The following SDC3 variants were observed in gnomAD, a reference collection of about 807,000 sequenced individuals.
SDC3 encodes syndecan-3.
SDC3 carries 13 observed loss-of-function variants against 24.4 expected under a neutral mutation model. The observed-to-expected ratio is 0.53, with a 90% CI of 0.35 to 0.85. The LOEUF (loss-of-function observed/expected upper bound fraction) is 0.85. Ranked by LOEUF, SDC3 falls within the 40% of genes least tolerant of loss-of-function variation. The pLI is 0.01. For missense variants in SDC3, 571 were observed against 584.5 expected (o/e 0.98, Z 0.24); for synonymous variants, 295 against 260.9 (o/e 1.13, Z -1.26).
intron 3 of SDC3, among the ~76,000 whole-genome samples, chr1:30,875,351 T>C (rs1639620330): frequency 6.6e-6 from 1 of 152,200 alleles, no homozygotes. Context: ...CACCTTCTCC[T>C]GGGCTCCGTG....
chr1:30,905,521 T>G (rs1570034775), intron 1 of SDC3, among the ~76,000 whole-genome samples: 1 of 151,956 alleles, frequency 6.6e-6, no homozygotes, highest in East Asian at 1.9e-4. Flanking sequence ...CTTTCCAAAT[T>G]AAGCCCTTCC....
Position 30,908,496 on chromosome 1 carries a change from GC to G in SDC3, c.90del (p.Leu31SerfsTer73). ...GAAAGPGARGLLLPPLLLLLL... is the reference protein window; with the variant it reads ...GAAAGPGARGXLLPPLLLLLL... ...AGCAGCAGCAGCAGCGGTGGCAGGA[GC>G]AGCCCGCGGGCCCCGGGCCCGGCCG... On this transcript the variant is annotated frameshift_variant, in exon 1 of 5. Coordinates refer to ENST00000339394, the MANE Select transcript of SDC3 (RefSeq NM_014654.4). LOFTEE classifies it high-confidence loss of function. 1 of 996,062 alleles carries G rather than the reference GC, an allele frequency of 1.0e-6. No homozygotes were observed. The highest frequency in any genetic ancestry group is 4.1e-5 in the South Asian group (1 of 24,582). 61.7% of individuals were successfully genotyped at this position (996,062 alleles called of 1,614,324 possible). A position where few individuals can be genotyped will look rare whatever the true frequency, so the allele number is the denominator to read the frequency against.
chr1:30,904,554 T>C (rs1316300495), intron 1 of SDC3, among the ~76,000 whole-genome samples: 1 of 152,128 alleles, frequency 6.6e-6, no homozygotes, highest in African/African-American at 2.4e-5. Context: ...CCCAACACAC[T>C]GAACTCACAG....
At chr1:30,892,442 GGAATGAAT>G (rs71916891) in intron 1 of SDC3, among the ~76,000 whole-genome samples, 1 of 151,476 alleles carries the variant, frequency 6.6e-6, no homozygotes, top group Non-Finnish European at 1.5e-5. Context: ...AGGCCCCCAG[GGAATGAAT>G]GAATGAATGA....
intron 1 of SDC3, among the ~76,000 whole-genome samples, chr1:30,908,166 G>A (rs1332666150): frequency 1.3e-5 from 2 of 151,980 alleles, no homozygotes; most frequent in Non-Finnish European, 2.9e-5. Context: ...CTGGGGAGGG[G>A]TCCCAAAAGG....
intron 1 of SDC3, 168 bp from the exon 2 acceptor site, chr1:30,878,908 G>T (rs931280226): frequency 8.4e-6 from 5 of 597,022 alleles, no homozygotes; most frequent in Admixed American, 2.9e-5. Context: ...CACAGGGCAG[G>T]GGTGGGGTGT....
chr1:30,879,141 C>G (rs1024383724), intron 1 of SDC3: 5 of 168,808 alleles, frequency 3.0e-5, no homozygotes, highest in African/African-American at 1.2e-4. Context: ...AATGGCCCTG[C>G]ATTTGGGGCC....
Position 30,873,174 on chromosome 1 carries a change from G to A in SDC3, c.*37C>T. On this transcript the variant is annotated 3_prime_UTR_variant, in exon 5 of 5. Coordinates refer to ENST00000339394, the MANE Select transcript of SDC3 (RefSeq NM_014654.4). ...GGCCAGGCTGGGGACTGGACAGCAG[G>A]GTGGTGTTGAGGCTGCAGGGAGGCA... 6.5e-7 allele frequency: 1 copy of A among 1,526,978 alleles called. No individual in the cohort carries two copies. The highest frequency in any genetic ancestry group is 9.1e-7 in the Non-Finnish European group (1 of 1,102,702). The allele number at this position is 1,526,978 out of a possible 1,614,324, so 94.6% of individuals were successfully genotyped here.
intron 1 of SDC3, among the ~76,000 whole-genome samples, chr1:30,894,504 ATGAGTGGGTGAGAGTG>A (rs1475511019): frequency 1.7e-5 from 1 of 57,696 alleles, no homozygotes; most frequent in Non-Finnish European, 3.2e-5. Flanking sequence ...GGGGGTGAGT[ATGAGTGGGTGAGAGTG>A]TGAGTGGGTG....
At chr1:30,882,798 C>G (rs1341702732) in intron 1 of SDC3, among the ~76,000 whole-genome samples, 1 of 152,168 alleles carries the variant, frequency 6.6e-6, no homozygotes, top group Non-Finnish European at 1.5e-5. Context: ...AGAAACCGGT[C>G]AGCACAGAGG....
In SDC3 at chr1:30,873,260, G is replaced by A. The variant is rs770500393; in HGVS notation, c.1280C>T (p.Ala427Val). The A allele has an allele frequency of 1.6e-5, 26 of 1,613,230 alleles. No individual in the cohort carries two copies. Among genetic ancestry groups the A allele is most frequent in the Middle Eastern group, 1.6e-4 (1 of 6,082 alleles). Reference protein sequence around the residue: ...GSYTLEEPKQASVTYQKPDKQ... With the variant: ...GSYTLEEPKQVSVTYQKPDKQ... ...GTCAGGCTTCTGGTATGTGACGCTC[G>A]CCTGCTTGGGTTCCTCCAGCGTGTA... is the stretch of plus-strand genomic sequence containing the variant. The change falls in exon 5 of 5, where the codon GCG (alanine) becomes GTG (valine). Residue 427 changes from alanine (A) to valine (V), a missense_variant. Ala to Val is a moderately conservative substitution (Grantham distance 64). Transcript: ENST00000339394.
At chr1:30,908,258 G>C (rs1435936287) in intron 1 of SDC3, among the ~76,000 whole-genome samples, 191 bp downstream of exon 1, 3 of 148,174 alleles carry the variant, frequency 2.0e-5, no homozygotes, top group African/African-American at 7.5e-5. Context: ...AGATTCCGGA[G>C]GGGGGGGAGC....
chr1:30,882,712 C>T (rs1639764465), intron 1 of SDC3, among the ~76,000 whole-genome samples: 1 of 152,128 alleles, frequency 6.6e-6, no homozygotes, highest in Admixed American at 6.5e-5. Context: ...TCCCTCCCAC[C>T]CCATCCTCTC....
chr1:30,881,600 G>A (rs1026392260), intron 1 of SDC3, among the ~76,000 whole-genome samples: 13 of 152,318 alleles, frequency 8.5e-5, no homozygotes, highest in African/African-American at 1.7e-4. Context: ...CAGAGGCTCC[G>A]CAAGCGGCCC....
In SDC3 at chr1:30,872,928, C is replaced by T. The variant is rs149951167; in HGVS notation, c.*283G>A. ...CACCAGCCAATCAGGAGCTTTCTTC[C>T]TCCCATCCATCTGACATGAGGTCCT... On this transcript the variant is annotated 3_prime_UTR_variant, in exon 5 of 5. Transcript: ENST00000339394. 2,773 of 424,240 alleles carry T rather than the reference C, an allele frequency of 6.5e-3. 15 individuals are homozygous for T. Among genetic ancestry groups the T allele is most frequent in the Non-Finnish European group, 9.0e-3 (2,140 of 238,354 alleles). 26.3% of individuals were successfully genotyped at this position (424,240 alleles called of 1,614,324 possible).
At chr1:30,907,414 C>T (rs559112224) in intron 1 of SDC3, among the ~76,000 whole-genome samples, 1 of 152,320 alleles carries the variant, frequency 6.6e-6, no homozygotes, top group Non-Finnish European at 1.5e-5. Flanking sequence ...ATCACCTCCA[C>T]CTGCACATGC....
At chr1:30,889,944 C>T (rs926882492) in intron 1 of SDC3, among the ~76,000 whole-genome samples, 3 of 152,046 alleles carry the variant, frequency 2.0e-5, no homozygotes, top group African/African-American at 2.4e-5. Flanking sequence ...CCCAAATATC[C>T]ATCAGCTGAT....
At chr1:30,894,536 G>GTA in intron 1 of SDC3, among the ~76,000 whole-genome samples, 1 of 145,434 alleles carries the variant, frequency 6.9e-6, no homozygotes, top group South Asian at 2.2e-4. Flanking sequence ...GGGTGAGAGT[G>GTA]TGCGTGGATG....
At position 30,889,059 on chromosome 1, in the gene SDC3, G is replaced by A. The variant is rs72657255; in HGVS notation, c.139-10319C>T. On this transcript the variant is annotated intron_variant, in intron 1 of 4. Coordinates refer to ENST00000339394, the MANE Select transcript of SDC3 (RefSeq NM_014654.4). ...CCCTCACCCTCCCCTCCAGAGGCCT[G>A]GGAGACACAGCAGGGACTCTGATGC... Among the ~76,000 whole-genome samples the A allele has an allele frequency of 6.6e-3, 1,008 of 152,336 alleles. 8 individuals are homozygous for A. Among genetic ancestry groups the A allele is most frequent in the Non-Finnish European group, 1.0e-2 (679 of 68,024 alleles).
Sources: allele counts gnomAD v4.1 joint callset (sites outside exome capture counted in the v4.1 genomes callset), GRCh38; gene constraint gnomAD v4.1.1; transcripts MANE v1.5; gene names NCBI Gene and HGNC (gene_info 2026-07-23, HGNC 2026-07-21).